The following KCNH7 variants were observed in gnomAD, a reference collection of about 807,000 sequenced individuals.
KCNH7 encodes potassium voltage-gated channel subfamily H member 7.
A neutral mutation model predicts 120.8 loss-of-function variants in KCNH7; 49 were observed. The observed-to-expected ratio is 0.41, with a 90% CI of 0.32 to 0.51. KCNH7 has a LOEUF of 0.51. Ranked by LOEUF, KCNH7 falls within the 20% of genes least tolerant of loss-of-function variation. The pLI is 0.38. For synonymous variants in KCNH7, 547 were observed against 516.1 expected, an observed-to-expected ratio of 1.06 and a Z score of -0.81; for missense variants, 1,097 against 1,446.6, an observed-to-expected ratio of 0.76 and a Z score of 3.92.
intron 8 of KCNH7, among the ~76,000 whole-genome samples, chr2:162,427,989 C>A (rs1480468902): frequency 6.6e-6 from 1 of 151,592 alleles, no homozygotes; most frequent in Admixed American, 6.6e-5. Flanking sequence ...TGTTTGTTTT[C>A]TATTTTTATT....
At chr2:162,788,844 A>G (rs1683810265) in intron 2 of KCNH7, among the ~76,000 whole-genome samples, 1 of 152,030 alleles carries the variant, frequency 6.6e-6, no homozygotes, top group Admixed American at 6.5e-5. Context: ...AATTCTCAAA[A>G]GTCAAAGACA....
chr2:162,455,813 T>C (rs1688942786), intron 6 of KCNH7, among the ~76,000 whole-genome samples: 1 of 152,186 alleles, frequency 6.6e-6, no homozygotes, highest in South Asian at 2.1e-4. Context: ...ATTGTGTCTA[T>C]TTGATTCTTC....
intron 2 of KCNH7, chr2:162,771,862 C>G (rs1166827455): frequency 6.6e-6 from 1 of 152,018 alleles, no homozygotes. Flanking sequence ...CAGAGTACAC[C>G]TAATGGATAG....
At chr2:162,790,419 T>G (rs879434098) in intron 2 of KCNH7, among the ~76,000 whole-genome samples, 1 of 151,820 alleles carries the variant, frequency 6.6e-6, no homozygotes, top group Non-Finnish European at 1.5e-5. Flanking sequence ...CTGAAAAAAA[T>G]TAATACTAAT....
chr2:162,701,162 G>T (rs1686484190), intron 2 of KCNH7, among the ~76,000 whole-genome samples: 1 of 151,982 alleles, frequency 6.6e-6, no homozygotes, highest in Non-Finnish European at 1.5e-5. Context: ...CTGGGAACAA[G>T]AAAAATAAAG....
At chr2:162,620,920 A>G (rs1574180517) in intron 2 of KCNH7, among the ~76,000 whole-genome samples, 2 of 152,296 alleles carry the variant, frequency 1.3e-5, no homozygotes, top group East Asian at 1.9e-4. Context: ...TTTGAGAAAC[A>G]GGAATTCTGT....
chr2:162,427,156 G>A (rs1456665926), intron 8 of KCNH7, among the ~76,000 whole-genome samples: 1 of 151,606 alleles, frequency 6.6e-6, no homozygotes, highest in Admixed American at 6.6e-5. Flanking sequence ...CTAGTTTTTG[G>A]CTATTATGAA....
intron 2 of KCNH7, among the ~76,000 whole-genome samples, chr2:162,737,856 G>A (rs959422316): frequency 7.0e-4 from 107 of 152,192 alleles, no homozygotes; most frequent in Non-Finnish European, 4.1e-4. Flanking sequence ...CTTGAGGTCA[G>A]GGGTGGGAGA....
intron 2 of KCNH7, among the ~76,000 whole-genome samples, chr2:162,643,090 CTT>C (rs1471280004): frequency 6.6e-6 from 1 of 152,172 alleles, no homozygotes; most frequent in Non-Finnish European, 1.5e-5. Context: ...GAAATCCAGA[CTT>C]AATAGAATTT....
chr2:162,833,505 C>T (rs1685549986), intron 2 of KCNH7, among the ~76,000 whole-genome samples: 1 of 152,114 alleles, frequency 6.6e-6, no homozygotes, highest in Admixed American at 6.6e-5. Flanking sequence ...TTTATCACCT[C>T]AAGCAATACT....
At chr2:162,399,236 A>G (rs1365225267) in intron 10 of KCNH7, among the ~76,000 whole-genome samples, 2 of 151,868 alleles carry the variant, frequency 1.3e-5, no homozygotes, top group Non-Finnish European at 2.9e-5. Flanking sequence ...GGTAGGAGAA[A>G]AGAAGAATTG....
At chr2:162,811,795 T>G (rs1429028282) in intron 2 of KCNH7, among the ~76,000 whole-genome samples, 1 of 152,060 alleles carries the variant, frequency 6.6e-6, no homozygotes, top group African/African-American at 2.4e-5. Flanking sequence ...AGAAGAAACT[T>G]GAACTAGAAA....
Position 162,565,409 on chromosome 2 carries a change from C to T in KCNH7, c.308-28329G>A, listed in dbSNP as rs890704763. Among the ~76,000 whole-genome samples the T allele has an allele frequency of 5.3e-5, 8 of 152,012 alleles. No individual in the cohort carries two copies. The East Asian group carries it at 1.5e-3, about 29-fold the overall frequency. On this transcript the variant is annotated intron_variant, in intron 2 of 15. Transcript: ENST00000332142. Reference sequence around the variant, plus strand: ...ATAAATTCTAATTATTTAGTATATACTCTTACTGGAACATATATTTTACAC... The same window carrying T: ...ATAAATTCTAATTATTTAGTATATATTCTTACTGGAACATATATTTTACAC...
chr2:162,617,141 A>G (rs1353043794), intron 2 of KCNH7, among the ~76,000 whole-genome samples: 1 of 152,172 alleles, frequency 6.6e-6, no homozygotes, highest in Non-Finnish European at 1.5e-5. Flanking sequence ...GAAGAAGCAC[A>G]GCTGAGATGA....
chr2:162,516,592 G>A (rs1691305823), intron 4 of KCNH7, among the ~76,000 whole-genome samples: 1 of 151,744 alleles, frequency 6.6e-6, no homozygotes, highest in Admixed American at 6.6e-5. Context: ...AAGAATTAAT[G>A]TTTTAAAGAC....
chr2:162,429,874 CAG>C (rs1175613245), intron 8 of KCNH7, among the ~76,000 whole-genome samples: 2 of 151,084 alleles, frequency 1.3e-5, no homozygotes, highest in Non-Finnish European at 3.0e-5. Context: ...ATTAAAAAAA[CAG>C]ATTTTTTTTT....
At chr2:162,498,175 A>G (rs1360811356) in intron 6 of KCNH7, among the ~76,000 whole-genome samples, 1 of 152,060 alleles carries the variant, frequency 6.6e-6, no homozygotes, top group East Asian at 1.9e-4. Flanking sequence ...TGATTATCTC[A>G]AAATGGGTTT....
intron 2 of KCNH7, among the ~76,000 whole-genome samples, chr2:162,719,414 T>C (rs1414244929): frequency 1.3e-5 from 2 of 152,034 alleles, no homozygotes; most frequent in Non-Finnish European, 2.9e-5. Flanking sequence ...TCCTAACTTG[T>C]ATTCTAAAAG....
intron 2 of KCNH7, among the ~76,000 whole-genome samples, chr2:162,543,739 G>T (rs1692390147): frequency 6.6e-6 from 1 of 152,038 alleles, no homozygotes; most frequent in African/African-American, 2.4e-5. Flanking sequence ...CCAAGACTCA[G>T]ATTCCTCATC....
Sources: allele counts gnomAD v4.1 joint callset (sites outside exome capture counted in the v4.1 genomes callset), GRCh38; gene constraint gnomAD v4.1.1; transcripts MANE v1.5; gene names NCBI Gene and HGNC (gene_info 2026-07-23, HGNC 2026-07-21).